The following GLRA2 variants were observed in gnomAD, a reference collection of about 807,000 sequenced individuals.
GLRA2 encodes glycine receptor subunit alpha-2.
Under a neutral mutation model 31.6 loss-of-function variants are expected in GLRA2, and 11 were observed. The observed-to-expected ratio is 0.35, with a 90% CI of 0.22 to 0.58. The LOEUF (loss-of-function observed/expected upper bound fraction) is 0.58. GLRA2 is among the 20% of genes least tolerant of loss of function. The pLI, the probability that GLRA2 is intolerant of heterozygous loss-of-function variation, is 0.84. For missense variants in GLRA2, 212 were observed against 351.8 expected (o/e 0.60, Z 3.18); for synonymous variants, 132 against 134.0 (o/e 0.99, Z 0.10).
intron 7 of GLRA2, among the ~76,000 whole-genome samples, chrX:14,611,804 G>A (rs1371571679): frequency 9.0e-6 from 1 of 111,571 alleles, no homozygotes; most frequent in African/African-American, 3.3e-5. Flanking sequence ...AATTCTCATC[G>A]AATGGATAAA....
At chrX:14,527,490 T>C (rs2089192823), upstream of GLRA2, among the ~76,000 whole-genome samples, 1 of 109,765 alleles carries the variant, frequency 9.1e-6, no homozygotes, top group Admixed American at 9.8e-5. Context: ...TGGCATGTGA[T>C]TGTAGTCCCA....
intron 7 of GLRA2, among the ~76,000 whole-genome samples, chrX:14,678,838 C>T (rs1256110726): frequency 9.0e-6 from 1 of 111,096 alleles, no homozygotes; most frequent in East Asian, 2.8e-4. Context: ...TTAAACTCTA[C>T]TATGGGGTTG....
At chrX:14,716,196 C>G (rs761952228) in intron 8 of GLRA2, among the ~76,000 whole-genome samples, 3 of 111,368 alleles carry the variant, frequency 2.7e-5, no homozygotes, top group Non-Finnish European at 5.7e-5. Context: ...AGAGATTAGT[C>G]TCAAGGCAAC....
At chrX:14,518,106 G>C in the GLRA2 span, among the ~76,000 whole-genome samples, 1 of 111,457 alleles carries the variant, frequency 9.0e-6, no homozygotes, top group African/African-American at 3.3e-5. Flanking sequence ...ATATTGAAAT[G>C]GTACTGAACC....
chrX:14,456,897 T>C, the GLRA2 span, among the ~76,000 whole-genome samples: 6 of 112,214 alleles, frequency 5.3e-5, no homozygotes, highest in East Asian at 1.1e-3. Context: ...CTGGATCTTA[T>C]GGTAGTTTTA....
At chrX:14,651,872 C>T (rs567438889) in intron 7 of GLRA2, among the ~76,000 whole-genome samples, 62 of 111,488 alleles carry the variant, frequency 5.6e-4, no homozygotes, top group African/African-American at 1.8e-3. Flanking sequence ...ACCTCCAATG[C>T]GACGGTATTT....
At chrX:14,551,546 A>G in intron 2 of GLRA2, among the ~76,000 whole-genome samples, 1 of 111,395 alleles carries the variant, frequency 9.0e-6, no homozygotes, top group Non-Finnish European at 1.9e-5. Context: ...TACTTCCTCC[A>G]TGGGCTACAC....
chrX:14,717,544 T>C (rs1171184796), intron 8 of GLRA2, among the ~76,000 whole-genome samples: 1 of 111,310 alleles, frequency 9.0e-6, no homozygotes, highest in Admixed American at 9.6e-5. Context: ...ATAAGCCTGC[T>C]CTAATATTTA....
chrX:14,675,834 C>T (rs1284771333), intron 7 of GLRA2, among the ~76,000 whole-genome samples: 1 of 112,124 alleles, frequency 8.9e-6, no homozygotes, highest in Non-Finnish European at 1.9e-5. Flanking sequence ...TCTCGTGATA[C>T]AGTTACTGAA....
chrX:14,579,881 G>T (rs1343550821), intron 3 of GLRA2, among the ~76,000 whole-genome samples: 1 of 111,893 alleles, frequency 8.9e-6, no homozygotes, highest in East Asian at 2.8e-4. Flanking sequence ...ATAAGTCATG[G>T]GAATTTGTAT....
the GLRA2 span, among the ~76,000 whole-genome samples, chrX:14,471,856 A>C: frequency 1.8e-5 from 2 of 112,364 alleles, no homozygotes; most frequent in Non-Finnish European, 3.8e-5. Context: ...GGTTTTATAC[A>C]TTATACCAAG....
At chrX:14,637,164 A>T (rs1338876285) in intron 7 of GLRA2, among the ~76,000 whole-genome samples, 1 of 112,322 alleles carries the variant, frequency 8.9e-6, no homozygotes, top group Non-Finnish European at 1.9e-5. Flanking sequence ...TTCACTTCTG[A>T]TTCCTATCAT....
In GLRA2 at chrX:14,551,286, A is replaced by G. The variant is rs1392912810; in HGVS notation, c.202+18914A>G. Among the ~76,000 whole-genome samples, 4 of 111,996 alleles carry G rather than the reference A, an allele frequency of 3.6e-5. No homozygotes were observed. In the East Asian group the frequency reaches 1.1e-3, roughly 31 times the overall value. On this transcript the variant is annotated intron_variant, in intron 2 of 8. Coordinates refer to ENST00000218075, the MANE Select transcript of GLRA2 (RefSeq NM_002063.4). ...ATCATTTCTTAATTACAGCCATGCT[A>G]GGGGCTTGTGAATCTGGAGGCATGC... is the stretch of plus-strand genomic sequence containing the variant.
intron 7 of GLRA2, among the ~76,000 whole-genome samples, chrX:14,659,482 T>A (rs2090971669): frequency 8.9e-6 from 1 of 112,518 alleles, no homozygotes; most frequent in Admixed American, 9.4e-5. Flanking sequence ...TTTTGAATCA[T>A]TCTGCAAAGG....
chrX:14,691,280 T>A (rs958605974), intron 8 of GLRA2, among the ~76,000 whole-genome samples: 2,681 of 41,417 alleles, frequency 0.065, 32 homozygotes, highest in Non-Finnish European at 0.077. Context: ...ACTGTGTGTG[T>A]GTGTGTGTGT....
intron 4 of GLRA2, among the ~76,000 whole-genome samples, chrX:14,587,227 G>C (rs2090090179): frequency 8.9e-6 from 1 of 112,348 alleles, no homozygotes; most frequent in Admixed American, 9.4e-5. Flanking sequence ...TTCCATGTCT[G>C]CTATTGTGGA....
At chrX:14,473,143 A>ACTCTTGTT in the GLRA2 span, among the ~76,000 whole-genome samples, 4 of 111,019 alleles carry the variant, frequency 3.6e-5, no homozygotes, top group Non-Finnish European at 7.6e-5. Context: ...TACTAGTTTG[A>ACTCTTGTT]CTCTTGTTTA....
the GLRA2 span, among the ~76,000 whole-genome samples, chrX:14,473,259 A>G: frequency 6.3e-5 from 7 of 111,690 alleles, no homozygotes; most frequent in Non-Finnish European, 9.4e-5. Context: ...AGTGCAAAGT[A>G]CTTGTGTGTA....
chrX:14,491,711 A>C, the GLRA2 span, among the ~76,000 whole-genome samples: 1 of 111,220 alleles, frequency 9.0e-6, no homozygotes, highest in Non-Finnish European at 1.9e-5. Context: ...GTACTGTTCT[A>C]ATGGCCTGGC....
Sources: allele counts gnomAD v4.1 joint callset (sites outside exome capture counted in the v4.1 genomes callset), GRCh38; gene constraint gnomAD v4.1.1; transcripts MANE v1.5; gene names NCBI Gene and HGNC (gene_info 2026-07-23, HGNC 2026-07-21).